ANOS1: variants seen among roughly 807,000 people sequenced by gnomAD.
ANOS1 encodes anosmin 1.
A neutral mutation model predicts 59.0 loss-of-function variants in ANOS1; 6 were observed. That is an observed-to-expected ratio of 0.10 (90% confidence interval 0.06 to 0.20). The LOEUF is 0.20. Ranked by LOEUF, ANOS1 falls within the 10% of genes least tolerant of loss-of-function variation. The probability of loss-of-function intolerance (pLI) is 1.00; values close to 1 mark genes in which losing one functional copy is unlikely to be tolerated. For synonymous variants in ANOS1, 217 were observed against 223.4 expected (o/e 0.97, Z 0.25); for missense variants, 433 against 542.3 (o/e 0.80, Z 2.00).
intron 4 of ANOS1, among the ~76,000 whole-genome samples, chrX:8,589,230 T>TA (rs1414189800): frequency 8.9e-6 from 1 of 112,145 alleles, no homozygotes; most frequent in African/African-American, 3.2e-5. Flanking sequence ...GTCATTAATC[T>TA]AAAAAAAGCT....
chrX:8,589,362 G>T (rs1038430503), intron 4 of ANOS1, among the ~76,000 whole-genome samples: 5 of 111,658 alleles, frequency 4.5e-5, no homozygotes, highest in African/African-American at 1.6e-4. Context: ...CTGTGAGTTT[G>T]TGAAGTGGGT....
At chrX:8,728,298 A>C (rs777988521) in intron 1 of ANOS1, among the ~76,000 whole-genome samples, 2 of 112,173 alleles carry the variant, frequency 1.8e-5, no homozygotes, top group Non-Finnish European at 3.8e-5. Flanking sequence ...AAAGAGTAGT[A>C]CTTGTAAAAT....
At chrX:8,719,947 CCT>C (rs1932863701) in intron 1 of ANOS1, among the ~76,000 whole-genome samples, 1 of 111,418 alleles carries the variant, frequency 9.0e-6, no homozygotes, top group Non-Finnish European at 1.9e-5. Flanking sequence ...CTCAGACTCC[CCT>C]GAGGAGAGGT....
intron 3 of ANOS1, among the ~76,000 whole-genome samples, chrX:8,602,542 C>T (rs190254736): frequency 7.3e-4 from 81 of 111,112 alleles, no homozygotes; most frequent in African/African-American, 2.5e-3. Context: ...GCATGTAATA[C>T]CCATCAATTT....
intron 2 of ANOS1, among the ~76,000 whole-genome samples, chrX:8,636,068 G>C (rs775263837): frequency 1.8e-5 from 2 of 111,106 alleles, no homozygotes; most frequent in South Asian, 3.8e-4. Flanking sequence ...GTGCTGCAAG[G>C]TTAAAAAAAA....
chrX:8,719,310 G>A (rs1008404214), intron 1 of ANOS1, among the ~76,000 whole-genome samples: 1 of 112,464 alleles, frequency 8.9e-6, no homozygotes, highest in South Asian at 3.7e-4. Flanking sequence ...GGATATTTGT[G>A]TAAGTCTAGA....
chrX:8,606,159 T>C (rs1004856196), intron 3 of ANOS1, among the ~76,000 whole-genome samples: 1 of 112,348 alleles, frequency 8.9e-6, no homozygotes, highest in African/African-American at 3.2e-5. Context: ...GATATAACTG[T>C]AGGTAAAATT....
At chrX:8,550,490 T>C (rs1001250011) in intron 9 of ANOS1, among the ~76,000 whole-genome samples, 1 of 111,343 alleles carries the variant, frequency 9.0e-6, no homozygotes, top group Non-Finnish European at 1.9e-5. Flanking sequence ...ATCGAAAAAT[T>C]AATTCAAATA....
intron 1 of ANOS1, among the ~76,000 whole-genome samples, chrX:8,702,023 T>G (rs1161961063): frequency 9.0e-6 from 1 of 111,467 alleles, no homozygotes; most frequent in Non-Finnish European, 1.9e-5. Flanking sequence ...TAGCCAGCCT[T>G]AACTCCCAAT....
At chrX:8,635,179 G>T (rs965958388) in intron 2 of ANOS1, among the ~76,000 whole-genome samples, 3 of 110,798 alleles carry the variant, frequency 2.7e-5, no homozygotes, top group Middle Eastern at 4.2e-3. Flanking sequence ...GGTCCAATTT[G>T]CCTCTTGGAC....
At chrX:8,707,964 G>A (rs1351225234) in intron 1 of ANOS1, among the ~76,000 whole-genome samples, 1 of 112,539 alleles carries the variant, frequency 8.9e-6, no homozygotes, top group Non-Finnish European at 1.9e-5. Context: ...GGTGGCACAC[G>A]CCTGTAATCC....
At chrX:8,537,665 C>T (rs1242511348) in intron 10 of ANOS1, among the ~76,000 whole-genome samples, 1 of 110,769 alleles carries the variant, frequency 9.0e-6, no homozygotes, top group East Asian at 2.8e-4. Context: ...GTCCTAGCTA[C>T]TCGAGAGGCT....
intron 3 of ANOS1, among the ~76,000 whole-genome samples, chrX:8,614,267 A>C (rs2146839206): frequency 8.9e-6 from 1 of 112,284 alleles, no homozygotes; most frequent in Admixed American, 9.4e-5. Context: ...GGTAAAACAC[A>C]AAAATCACTT....
At chrX:8,534,825 G>A (rs1312648404) in intron 12 of ANOS1, among the ~76,000 whole-genome samples, 1 of 111,760 alleles carries the variant, frequency 8.9e-6, no homozygotes, top group Non-Finnish European at 1.9e-5. Context: ...GTGAACTCTT[G>A]ATAGTCCAAA....
intron 10 of ANOS1, among the ~76,000 whole-genome samples, chrX:8,537,997 G>C (rs1236805356): frequency 1.8e-5 from 2 of 110,936 alleles, no homozygotes; most frequent in Non-Finnish European, 3.8e-5. Flanking sequence ...AAAAGAGACC[G>C]GGAGTGACCT....
intron 3 of ANOS1, among the ~76,000 whole-genome samples, chrX:8,621,712 C>G (rs1447252523): frequency 1.8e-5 from 2 of 111,794 alleles, no homozygotes; most frequent in East Asian, 2.8e-4. Context: ...GTTGAAGACA[C>G]AGGTTAATTG....
At chrX:8,671,676 T>C (rs765887007) in intron 2 of ANOS1, among the ~76,000 whole-genome samples, 2 of 108,187 alleles carry the variant, frequency 1.8e-5, no homozygotes, top group African/African-American at 3.3e-5. Flanking sequence ...ACCATATACA[T>C]AGTATACAAT....
chrX:8,644,270 G>C (rs911345010), intron 2 of ANOS1, among the ~76,000 whole-genome samples: 1 of 111,174 alleles, frequency 9.0e-6, no homozygotes, highest in Admixed American at 9.6e-5. Context: ...TCTTAGCCAA[G>C]GGGTCCCAAA....
chrX:8,619,236 ATAAT>A (rs749740745), intron 3 of ANOS1, among the ~76,000 whole-genome samples: 4 of 111,519 alleles, frequency 3.6e-5, no homozygotes, highest in African/African-American at 6.5e-5. Flanking sequence ...AAAATCTCAT[ATAAT>A]CCAGAGGACT....
Sources: gnomAD v4.1 joint callset for allele counts (sites outside exome capture counted in the v4.1 genomes callset) on GRCh38, gnomAD v4.1.1 for gene constraint, MANE v1.5 for transcripts, NCBI Gene and HGNC (gene_info 2026-07-23, HGNC 2026-07-21) for gene names.